The following RABEPK variants were observed in gnomAD, a reference collection of about 807,000 sequenced individuals.
RABEPK encodes Rab9 effector protein with kelch motifs.
RABEPK carries 27 observed loss-of-function variants against 34.1 expected under a neutral mutation model. The observed-to-expected ratio is 0.79, with a 90% confidence interval of 0.58 to 1.09. RABEPK has a LOEUF of 1.09. RABEPK is among the 50% of genes least tolerant of loss of function. The pLI, the probability that RABEPK is intolerant of heterozygous loss-of-function variation, is 0.00. For synonymous variants in RABEPK, 172 were observed against 169.2 expected (o/e 1.02, Z -0.13); for missense variants, 449 against 462.6 (o/e 0.97, Z 0.27).
At chr9:125,224,337 A>G (rs1490845957) in intron 5 of RABEPK, among the ~76,000 whole-genome samples, 1 of 152,136 alleles carries the variant, frequency 6.6e-6, no homozygotes, top group African/African-American at 2.4e-5. Flanking sequence ...TGCCTGTAGT[A>G]AAACGTAATA....
chr9:125,209,385 T>C (rs1403343511), intron 3 of RABEPK, among the ~76,000 whole-genome samples: 3 of 151,354 alleles, frequency 2.0e-5, no homozygotes, highest in African/African-American at 7.3e-5. Flanking sequence ...CGTGTCGCTC[T>C]GTCACCCAGG....
At chr9:125,204,441 G>GA (rs1214200127) in intron 2 of RABEPK, among the ~76,000 whole-genome samples, 2 of 152,070 alleles carry the variant, frequency 1.3e-5, no homozygotes, top group Non-Finnish European at 2.9e-5. Context: ...AATTAACCGG[G>GA]AGTGGTGGTG....
At chr9:125,227,030 T>G (rs1305348875) in intron 5 of RABEPK, among the ~76,000 whole-genome samples, 1 of 144,570 alleles carries the variant, frequency 6.9e-6, no homozygotes, top group East Asian at 2.1e-4. Context: ...ATTAGCTGCA[T>G]GTGGTGTTGC....
chr9:125,219,556 G>A (rs1831181130), intron 4 of RABEPK, among the ~76,000 whole-genome samples: 1 of 143,508 alleles, frequency 7.0e-6, no homozygotes, highest in South Asian at 2.2e-4. Context: ...ACGACACCTG[G>A]CTTTATTTAT....
At chr9:125,232,944 C>T (rs1194514697) in intron 7 of RABEPK, among the ~76,000 whole-genome samples, 199 bp downstream of exon 7, 3 of 151,878 alleles carry the variant, frequency 2.0e-5, no homozygotes, top group East Asian at 1.9e-4. Context: ...GGCGTGGTGG[C>T]GGGCGCCTGT....
chr9:125,207,636 T>C lies in RABEPK; in HGVS notation c.126T>C (p.Val42=). 2.5e-6 allele frequency: 4 copies of C among 1,614,120 alleles called. No individual in the cohort carries two copies. Among genetic ancestry groups the C allele is most frequent in the Non-Finnish European group, 3.4e-6 (4 of 1,179,974 alleles). Residue 42 remains valine (V), a synonymous_variant, in exon 3 of 8, where the codon GTT becomes GTC. Coordinates refer to ENST00000373538, the MANE Select transcript of RABEPK (RefSeq NM_005833.4). ...ACAGCTGTTCATATTTACCCCCAGT[T>C]GGTAATGCCAAGAGAGGGAAGGTCT... is the stretch of plus-strand genomic sequence containing the variant. ...VGHSCSYLPP[V]GNAKRGKVFI...
intron 2 of RABEPK, among the ~76,000 whole-genome samples, chr9:125,204,091 T>G (rs1204420450): frequency 1.3e-5 from 2 of 150,146 alleles, no homozygotes; most frequent in Non-Finnish European, 3.0e-5. Flanking sequence ...TCCCAGCACT[T>G]TGGGAGGCCG....
rs894529816 is a variant in RABEPK, at chr9:125,224,381, CT to C, written c.527-3521del. ...ATTCATAACTCTCATGTATTGGGTACTTTTTTTTCCTTCATGCTTTATGTAT... is the reference window on the plus strand; with the variant it reads ...ATTCATAACTCTCATGTATTGGGTACTTTTTTTCCTTCATGCTTTATGTAT... On this transcript the variant is annotated intron_variant, in intron 5 of 7. Transcript: ENST00000373538. Among the ~76,000 whole-genome samples the C allele has an allele frequency of 1.3e-3, 200 of 150,914 alleles. 1 individual carries two copies. Among genetic ancestry groups the C allele is most frequent in the African/African-American group, 4.7e-3 (193 of 41,158 alleles).
At chr9:125,233,203 TA>T (rs1439523771) in intron 7 of RABEPK, among the ~76,000 whole-genome samples, 3 of 152,086 alleles carry the variant, frequency 2.0e-5, no homozygotes, top group East Asian at 3.9e-4. Context: ...AATGCTGCCA[TA>T]AGGTTTTTTT....
chr9:125,208,402 C>T (rs983621248), intron 3 of RABEPK, among the ~76,000 whole-genome samples: 7 of 152,112 alleles, frequency 4.6e-5, no homozygotes, highest in South Asian at 2.1e-4. Context: ...GATGGAGTTT[C>T]GCTCTTATTG....
At position 125,210,565 on chromosome 9, in the gene RABEPK, A is replaced by G. The variant is rs538221072; in HGVS notation, c.212-2805A>G. Among the ~76,000 whole-genome samples the G allele has an allele frequency of 1.3e-3, 191 of 151,516 alleles. No individual in the cohort carries two copies. In the Middle Eastern group the frequency reaches 0.021, roughly 16 times the overall value. ...AAACCCTGTCTCTACTAAAAATACA[A>G]AAAAATTAGCTGGGCATGATGGCTT... On this transcript the variant is annotated intron_variant, in intron 3 of 7. Transcript: ENST00000373538.
rs558644161 is a variant in RABEPK, at chr9:125,232,884, T to A, written c.826+139T>A. The A allele has an allele frequency of 2.1e-5, 17 of 814,996 alleles. No individual in the cohort carries two copies. In the African/African-American group the frequency reaches 2.6e-4, roughly 13 times the overall value. 50.5% of individuals were successfully genotyped at this position (814,996 alleles called of 1,614,324 possible). A position where few individuals can be genotyped will look rare whatever the true frequency, so the allele number is the denominator to read the frequency against. Reference sequence around the variant, plus strand: ...CGAGGTCAGGAGATCGAGACCATCCTGACCAACATGGTGAAACCCCATCTC... The same window carrying A: ...CGAGGTCAGGAGATCGAGACCATCCAGACCAACATGGTGAAACCCCATCTC... On this transcript the variant is annotated intron_variant, in intron 7 of 7. Transcript: ENST00000373538.
chr9:125,214,197 G>A (rs13291252), intron 4 of RABEPK, among the ~76,000 whole-genome samples: 11,180 of 152,066 alleles, frequency 0.074, 571 homozygotes, highest in South Asian at 0.13. Context: ...GCCAGGCTTA[G>A]AACCCAAGTC....
intron 6 of RABEPK, among the ~76,000 whole-genome samples, chr9:125,228,952 G>A (rs753627459): frequency 6.7e-6 from 1 of 150,152 alleles, no homozygotes; most frequent in South Asian, 2.1e-4. Flanking sequence ...GACAGAGTGA[G>A]ACTCCATCTC....
chr9:125,212,471 G>A (rs1484018710), intron 3 of RABEPK, among the ~76,000 whole-genome samples: 2 of 151,886 alleles, frequency 1.3e-5, no homozygotes, highest in Non-Finnish European at 2.9e-5. Context: ...CGCCCACCTC[G>A]GCCTCCCAAA....
intron 5 of RABEPK, among the ~76,000 whole-genome samples, chr9:125,224,984 T>A (rs1352677176): frequency 2.0e-5 from 3 of 152,168 alleles, no homozygotes; most frequent in Non-Finnish European, 4.4e-5. Context: ...CAGGATGCAG[T>A]GGTGTGTGCC....
chr9:125,219,248 G>A (rs1271835925), intron 4 of RABEPK, among the ~76,000 whole-genome samples: 1 of 140,058 alleles, frequency 7.1e-6, no homozygotes, highest in Non-Finnish European at 1.5e-5. Context: ...CCAGGCTAGA[G>A]TGCAATGGCA....
intron 5 of RABEPK, chr9:125,221,249 C>G (rs1179840872): frequency 6.6e-6 from 1 of 152,010 alleles, no homozygotes; most frequent in African/African-American, 2.4e-5. Flanking sequence ...GTGATCCCAG[C>G]ACTTTGTGAC....
In RABEPK at chr9:125,204,215, T is replaced by C. The variant is rs574177358; in HGVS notation, c.53+1149T>C. On this transcript the variant is annotated intron_variant, in intron 2 of 7. Transcript: ENST00000373538. ...CGGGCGTGGTGGCGGGCATCTGTAG[T>C]CCCAGCTACTCTGGAGGCTGAGGCA... Among the ~76,000 whole-genome samples, 292 of 151,620 alleles carry C rather than the reference T, an allele frequency of 1.9e-3. 3 individuals are homozygous for C. Among genetic ancestry groups the C allele is most frequent in the African/African-American group, 6.8e-3 (279 of 41,322 alleles).
Sources: allele counts gnomAD v4.1 joint callset (sites outside exome capture counted in the v4.1 genomes callset), GRCh38; gene constraint gnomAD v4.1.1; transcripts MANE v1.5; gene names NCBI Gene and HGNC (gene_info 2026-07-23, HGNC 2026-07-21).